WDR41: variants seen among roughly 807,000 people sequenced by gnomAD.
The protein encoded by WDR41 is WD repeat-containing protein 41.
A neutral mutation model predicts 69.3 loss-of-function variants in WDR41; 63 were observed. The ratio of observed to expected loss-of-function variants is 0.91; its 90% CI spans 0.74 to 1.12. The LOEUF (loss-of-function observed/expected upper bound fraction) is 1.12. Among genes scored for constraint, WDR41 ranks in the 50% most tolerant of loss-of-function variants. WDR41 has a pLI of 0.00. For synonymous variants in WDR41, 185 were observed against 192.1 expected, an observed-to-expected ratio of 0.96 and a Z score of 0.31; for missense variants, 543 against 534.5, an observed-to-expected ratio of 1.02 and a Z score of -0.16.
intron 1 of WDR41, among the ~76,000 whole-genome samples, chr5:77,542,468 G>A (rs1371632110): frequency 3.3e-5 from 5 of 152,128 alleles, no homozygotes; most frequent in African/African-American, 9.7e-5. Flanking sequence ...GATAAAAAAT[G>A]CTGTAAAAAG....
At chr5:77,505,266 G>A (rs575681936) in intron 1 of WDR41, among the ~76,000 whole-genome samples, 2 of 151,632 alleles carry the variant, frequency 1.3e-5, no homozygotes, top group Non-Finnish European at 2.9e-5. Context: ...ATGAGTGAAC[G>A]CCCATTTACA....
At chr5:77,487,389 G>A (rs1182646207) in intron 2 of WDR41, among the ~76,000 whole-genome samples, 1 of 152,120 alleles carries the variant, frequency 6.6e-6, no homozygotes. Context: ...TTTAATAAAT[G>A]GAGTGTCTCT....
chr5:77,451,725 TCC>T (rs1311816017), intron 6 of WDR41: 2 of 172,314 alleles, frequency 1.2e-5, no homozygotes, highest in Non-Finnish European at 2.5e-5. Flanking sequence ...ATTGGGGTTT[TCC>T]TTCATGTAAA....
intron 8 of WDR41, among the ~76,000 whole-genome samples, chr5:77,445,759 T>C (rs958731840): frequency 6.6e-5 from 10 of 152,220 alleles, no homozygotes; most frequent in Admixed American, 1.3e-4. Flanking sequence ...AAACTAGGTA[T>C]TGATAGAACA....
chr5:77,619,666 C>T (rs2112354821), intron 1 of WDR41, among the ~76,000 whole-genome samples: 1 of 152,234 alleles, frequency 6.6e-6, no homozygotes, highest in Non-Finnish European at 1.5e-5. Flanking sequence ...AAACTCAGGG[C>T]AGGATATTAC....
chr5:77,580,541 C>T (rs536347082), intron 1 of WDR41, among the ~76,000 whole-genome samples: 1 of 149,174 alleles, frequency 6.7e-6, no homozygotes, highest in South Asian at 2.1e-4. Context: ...CAAGAGCAAC[C>T]TCAAAAAATT....
chr5:77,441,230 T>TA (rs1456225157), intron 8 of WDR41, among the ~76,000 whole-genome samples: 2 of 152,152 alleles, frequency 1.3e-5, no homozygotes, highest in Non-Finnish European at 2.9e-5. Flanking sequence ...AGTAAAGAAA[T>TA]ACCTCATGCT....
intron 6 of WDR41, among the ~76,000 whole-genome samples, chr5:77,453,135 C>T (rs969775060): frequency 6.6e-6 from 1 of 152,094 alleles, no homozygotes; most frequent in African/African-American, 2.4e-5. Context: ...CTATTAGTAA[C>T]TAAATTCAAT....
At chr5:77,582,306 CA>C in intron 1 of WDR41, 1 of 1,401,238 alleles carries the variant, frequency 7.1e-7, no homozygotes, top group African/African-American at 1.4e-5. Context: ...AGACAATATG[CA>C]TAGATATATA....
intron 1 of WDR41, 62 bp downstream of exon 1, chr5:77,492,108 C>T: frequency 6.3e-7 from 1 of 1,587,186 alleles, no homozygotes; most frequent in Non-Finnish European, 8.6e-7. Context: ...AAGGCCGAAC[C>T]GGAACGAAGC....
chr5:77,556,046 AC>A (rs35765697), intron 1 of WDR41, among the ~76,000 whole-genome samples: 2 of 150,016 alleles, frequency 1.3e-5, no homozygotes, highest in African/African-American at 4.9e-5. Flanking sequence ...AGAACCCAGA[AC>A]CCAGAAACAG....
At chr5:77,456,318 T>TA (rs1429520641) in intron 5 of WDR41, among the ~76,000 whole-genome samples, 1 of 152,158 alleles carries the variant, frequency 6.6e-6, no homozygotes, top group Non-Finnish European at 1.5e-5. Context: ...CTAAATCTAT[T>TA]TCTGAGTATT....
At chr5:77,527,012 A>G (rs1163206862) in intron 1 of WDR41, among the ~76,000 whole-genome samples, 2 of 151,986 alleles carry the variant, frequency 1.3e-5, no homozygotes, top group Non-Finnish European at 2.9e-5. Flanking sequence ...TTTAAACAAA[A>G]ATGCAAATTT....
At chr5:77,468,301 G>C (rs1009653516) in intron 2 of WDR41, among the ~76,000 whole-genome samples, 11 of 152,042 alleles carry the variant, frequency 7.2e-5, no homozygotes, top group Non-Finnish European at 8.8e-5. Flanking sequence ...GATTGTTCTT[G>C]CCATTCAAGA....
intron 1 of WDR41, chr5:77,582,411 T>C: frequency 6.2e-7 from 1 of 1,610,416 alleles, no homozygotes; most frequent in East Asian, 2.2e-5. Context: ...AGGAGGTTCC[T>C]GCTGTGCCAG....
intron 1 of WDR41, among the ~76,000 whole-genome samples, chr5:77,612,608 A>C (rs956846766): frequency 6.6e-6 from 1 of 152,210 alleles, no homozygotes; most frequent in Admixed American, 6.5e-5. Flanking sequence ...TCATACTAAA[A>C]ACTCTCAATA....
chr5:77,557,576 C>T (rs1743425660), intron 1 of WDR41, among the ~76,000 whole-genome samples: 1 of 152,160 alleles, frequency 6.6e-6, no homozygotes, highest in African/African-American at 2.4e-5. Flanking sequence ...TTAGCGTGAG[C>T]CACTAGAACA....
chr5:77,615,570 C>G (rs191850952), intron 1 of WDR41, among the ~76,000 whole-genome samples: 107 of 151,146 alleles, frequency 7.1e-4, no homozygotes, highest in African/African-American at 2.4e-3. Context: ...ATAATAGCCT[C>G]TCATGGTCAA....
chr5:77,433,180 TAATCTTAAACTGCGCAATC>T lies in WDR41; in HGVS notation c.1316_1334del (p.Gly439AspfsTer5). ...CACCATTCTCCTCTAATTTTTGAAA[TAATCTTAAACTGCGCAATC>T]CAGATTCTCGCTCTCCATTTTTCCA... On this transcript the variant is annotated frameshift_variant, in exon 13 of 13. Coordinates refer to ENST00000296679, the MANE Select transcript of WDR41 (RefSeq NM_018268.4). LOFTEE classifies it high-confidence loss of function. 1 of 1,613,358 alleles carries T rather than the reference TAATCTTAAACTGCGCAATC, an allele frequency of 6.2e-7. No homozygotes were observed. Among genetic ancestry groups the T allele is most frequent in the Non-Finnish European group, 8.5e-7 (1 of 1,179,634 alleles).
Sources: allele counts gnomAD v4.1 joint callset (sites outside exome capture counted in the v4.1 genomes callset), GRCh38; gene constraint gnomAD v4.1.1; transcripts MANE v1.5; gene names NCBI Gene and HGNC (gene_info 2026-07-23, HGNC 2026-07-21).